The following BTD variants were observed in gnomAD, a reference collection of about 807,000 sequenced individuals.
BTD encodes biocytinase.
In BTD, 13 loss-of-function variants were observed where a neutral mutation model predicts 17.7. The ratio of observed to expected loss-of-function variants is 0.74; its 90% CI spans 0.48 to 1.17. The LOEUF is 1.17. Ranked by LOEUF, BTD falls within the 50% of genes most tolerant of loss-of-function variation. The pLI, the probability that BTD is intolerant of heterozygous loss-of-function variation, is 0.00. For missense variants in BTD, 674 were observed against 650.4 expected (o/e 1.04, Z -0.39); for synonymous variants, 240 against 245.2 (o/e 0.98, Z 0.20).
At chr3:15,670,401 T>C (rs745927968) in intron 3 of BTD, 1 of 1,613,958 alleles carries the variant, frequency 6.2e-7, no homozygotes, top group East Asian at 2.2e-5. Flanking sequence ...GCTTCAAAGC[T>C]GACTGTTTTT....
At chr3:15,670,311 C>T in intron 3 of BTD, 5 of 1,613,960 alleles carry the variant, frequency 3.1e-6, no homozygotes, top group Non-Finnish European at 4.2e-6. Context: ...TCATCCACGT[C>T]AGTGTATAAG....
downstream of BTD, chr3:15,714,625 G>A: frequency 3.7e-6 from 6 of 1,600,912 alleles, no homozygotes; most frequent in Non-Finnish European, 5.1e-6. Flanking sequence ...GTGGAGAGCA[G>A]TCATGTGTAG....
intron 3 of BTD, among the ~76,000 whole-genome samples, chr3:15,681,435 T>C (rs1362641919): frequency 1.3e-5 from 2 of 152,212 alleles, no homozygotes; most frequent in Non-Finnish European, 1.5e-5. Flanking sequence ...TCAAATTTTC[T>C]TACCCTAATT....
In BTD at chr3:15,685,228, T is replaced by C. The variant is rs199920401; in HGVS notation, c.400-24832T>C. 180 of 1,613,722 alleles carry C rather than the reference T, an allele frequency of 1.1e-4. No homozygotes were observed. The highest frequency in any genetic ancestry group is 1.2e-4 in the Non-Finnish European group (146 of 1,179,776). ...GCATTTGTGTTTGTATACTTAACCATTGTAGCAAGCCCAGTGAAGTGCCGT... is the reference window on the plus strand; with the variant it reads ...GCATTTGTGTTTGTATACTTAACCACTGTAGCAAGCCCAGTGAAGTGCCGT... On this transcript the variant is annotated intron_variant, in intron 3 of 3. Transcript: ENST00000672141.
intron 2 of BTD, among the ~76,000 whole-genome samples, chr3:15,636,289 A>G (rs1196807778): frequency 2.0e-5 from 3 of 152,144 alleles, no homozygotes; most frequent in South Asian, 2.1e-4. Context: ...TCCGGTCTCT[A>G]TGTCGGACTA....
chr3:15,603,142 A>G (rs1038078858), intron 1 of BTD, among the ~76,000 whole-genome samples: 2 of 152,188 alleles, frequency 1.3e-5, no homozygotes, highest in Admixed American at 1.3e-4. Flanking sequence ...TGTGGGGATT[A>G]TGGGAGCTAT....
chr3:15,671,576 T>TA lies in BTD; in HGVS notation c.399+29520dup, dbSNP rs1485006179. Among the ~76,000 whole-genome samples, 43 of 150,182 alleles carry TA rather than the reference T, an allele frequency of 2.9e-4. 1 individual carries two copies. Among genetic ancestry groups the TA allele is most frequent in the Admixed American group, 2.2e-3 (34 of 15,114 alleles). ...TTTCAACTTGGAGTCATAAACACTA[T>TA]AGTTTTTTTTTTGTTTTTTTTTTTT... On this transcript the variant is annotated intron_variant, in intron 3 of 3. Coordinates refer to the BTD transcript ENST00000672141.
chr3:15,706,051 A>AC, intron 3 of BTD, among the ~76,000 whole-genome samples: 1 of 148,988 alleles, frequency 6.7e-6, no homozygotes, highest in Non-Finnish European at 1.5e-5. Context: ...AACAAACAAA[A>AC]AACCCCTAGA....
At chr3:15,669,976 A>G in intron 3 of BTD, 2 of 324,490 alleles carry the variant, frequency 6.2e-6, no homozygotes, top group Non-Finnish European at 1.1e-5. Flanking sequence ...AGCAGGTTAG[A>G]GTGCACAGTG....
intron 3 of BTD, among the ~76,000 whole-genome samples, chr3:15,689,614 C>T (rs993224236): frequency 6.6e-6 from 1 of 152,126 alleles, no homozygotes; most frequent in African/African-American, 2.4e-5. Context: ...GTGGGACAGG[C>T]TGGAGCATGA....
At chr3:15,686,663 C>T (rs760628161) in intron 3 of BTD, among the ~76,000 whole-genome samples, 3 of 152,208 alleles carry the variant, frequency 2.0e-5, no homozygotes, top group Admixed American at 1.3e-4. Context: ...AAGTCAATCA[C>T]AAGAACCCCA....
intron 1 of BTD, among the ~76,000 whole-genome samples, chr3:15,606,106 C>G (rs1411101871): frequency 2.0e-5 from 3 of 146,716 alleles, no homozygotes; most frequent in African/African-American, 7.6e-5. Context: ...GTCCTTGACA[C>G]AATGCCTCCT....
chr3:15,698,594 T>C (rs146865958), intron 3 of BTD, among the ~76,000 whole-genome samples: 317 of 152,034 alleles, frequency 2.1e-3, no homozygotes, highest in Non-Finnish European at 3.6e-3. Flanking sequence ...CATACACCAA[T>C]AACAGACAAA....
intron 3 of BTD, among the ~76,000 whole-genome samples, chr3:15,662,777 G>C (rs57358840): frequency 0.12 from 18,158 of 151,320 alleles, 1,490 homozygotes; most frequent in East Asian, 0.43. Context: ...TGGAACTATA[G>C]GTGTGTGCCA....
intron 3 of BTD, among the ~76,000 whole-genome samples, chr3:15,692,804 T>C (rs900254066): frequency 6.6e-6 from 1 of 152,216 alleles, no homozygotes; most frequent in Non-Finnish European, 1.5e-5. Flanking sequence ...AAACACTATT[T>C]AGTATACCTA....
intron 3 of BTD, among the ~76,000 whole-genome samples, chr3:15,644,035 C>G (rs1482597401): frequency 6.6e-6 from 1 of 151,370 alleles, no homozygotes; most frequent in Non-Finnish European, 1.5e-5. Context: ...GAGTCTTGCT[C>G]TGTCGCCCAG....
Position 15,645,326 on chromosome 3 carries a change from CA to C in BTD, c.1411del (p.Ser471ValfsTer10). The C allele has an allele frequency of 6.2e-7, 1 of 1,614,206 alleles. No individual in the cohort carries two copies. Among genetic ancestry groups the C allele is most frequent in the Non-Finnish European group, 8.5e-7 (1 of 1,180,038 alleles). On this transcript the variant is annotated frameshift_variant, in exon 4 of 4. Transcript: ENST00000643237. LOFTEE classifies it high-confidence loss of function. The part of the protein sequence containing the change: ...IFEFHLWGNF[S>X]TSYIFPLFLT... ...TTGAGTTTCACCTGTGGGGCAACTT[CA>C]GTACTTCCTATATCTTTCCTTTGTT... is the stretch of plus-strand genomic sequence containing the variant.
chr3:15,643,592 C>T (rs1258776407), intron 3 of BTD, among the ~76,000 whole-genome samples: 2 of 152,080 alleles, frequency 1.3e-5, no homozygotes, highest in Non-Finnish European at 2.9e-5. Flanking sequence ...ATTTGCACTT[C>T]TCTCTCACTA....
downstream of BTD, among the ~76,000 whole-genome samples, chr3:15,714,952 C>A (rs1461879740): frequency 6.6e-6 from 1 of 152,120 alleles, no homozygotes; most frequent in African/African-American, 2.4e-5. Context: ...ACTGCTCCAA[C>A]ATTTCCATTC....
Sources: gnomAD v4.1 joint callset for allele counts (sites outside exome capture counted in the v4.1 genomes callset) on GRCh38, gnomAD v4.1.1 for gene constraint, MANE v1.5 for transcripts, NCBI Gene and HGNC (gene_info 2026-07-23, HGNC 2026-07-21) for gene names.